The following NFIB variants were observed in gnomAD, a reference collection of about 807,000 sequenced individuals.
The protein encoded by NFIB is nuclear factor 1 B-type.
NFIB carries 11 observed loss-of-function variants against 61.5 expected under a neutral mutation model. The observed-to-expected ratio is 0.18, with a 90% CI of 0.11 to 0.30. NFIB has a LOEUF of 0.30. Ranked by LOEUF, NFIB falls within the 10% of genes least tolerant of loss-of-function variation. NFIB has a pLI of 1.00. For synonymous variants in NFIB, 260 were observed against 216.5 expected (o/e 1.20, Z -1.76); for missense variants, 471 against 608.9 (o/e 0.77, Z 2.38).
At chr9:14,150,769 G>T (rs1411975726) in intron 4 of NFIB, among the ~76,000 whole-genome samples, 1 of 151,936 alleles carries the variant, frequency 6.6e-6, no homozygotes, top group Non-Finnish European at 1.5e-5. Context: ...TTAATATCAT[G>T]ACTTCTAATC....
chr9:14,206,827 G>T (rs1014583436), intron 2 of NFIB, among the ~76,000 whole-genome samples: 3 of 151,284 alleles, frequency 2.0e-5, no homozygotes, highest in Non-Finnish European at 4.4e-5. Flanking sequence ...ACAAGTTTTT[G>T]GAGATCATGC....
At chr9:14,089,243 T>G (rs574460) in intron 10 of NFIB, among the ~76,000 whole-genome samples, 80,021 of 151,628 alleles carry the variant, frequency 0.53, 24,086 homozygotes, top group African/African-American at 0.81. Context: ...TGCTCTGCAC[T>G]TGAGGAGTTT....
chr9:14,521,117 G>C, the NFIB span, among the ~76,000 whole-genome samples: 4 of 152,256 alleles, frequency 2.6e-5, no homozygotes, highest in Middle Eastern at 3.4e-3. Context: ...CAGGAAGAGT[G>C]GCTTTAGTGA....
intron 2 of NFIB, among the ~76,000 whole-genome samples, chr9:14,271,682 T>C (rs1008903973): frequency 6.6e-6 from 1 of 152,124 alleles, no homozygotes; most frequent in Non-Finnish European, 1.5e-5. Context: ...ATAACCACAC[T>C]GCTGTTACAT....
At chr9:14,391,883 C>T (rs190808800) in intron 1 of NFIB, among the ~76,000 whole-genome samples, 5 of 152,164 alleles carry the variant, frequency 3.3e-5, no homozygotes, top group Non-Finnish European at 7.3e-5. Flanking sequence ...TAAACGTTTA[C>T]TCACTTCTGC....
At chr9:14,185,057 T>A (rs2047193884) in intron 2 of NFIB, among the ~76,000 whole-genome samples, 1 of 143,330 alleles carries the variant, frequency 7.0e-6, no homozygotes, top group African/African-American at 2.6e-5. Context: ...ATATTTAATT[T>A]ACAATAATGA....
intron 2 of NFIB, among the ~76,000 whole-genome samples, chr9:14,195,688 T>C (rs1180201365): frequency 6.6e-6 from 1 of 152,186 alleles, no homozygotes. Flanking sequence ...CTCCTCACAT[T>C]AGACTCCCAT....
Position 14,081,902 on chromosome 9 carries a change from C to T in NFIB, c.*6407G>A, listed in dbSNP as rs773280789. 5.2e-6 allele frequency: 1 copy of T among 193,352 alleles called. No homozygotes were observed. Among genetic ancestry groups the T allele is most frequent in the Non-Finnish European group, 1.1e-5 (1 of 92,400 alleles). 12.0% of individuals were successfully genotyped at this position (193,352 alleles called of 1,614,324 possible). On this transcript the variant is annotated 3_prime_UTR_variant, in exon 11 of 11. Coordinates refer to ENST00000380953, the MANE Select transcript of NFIB (RefSeq NM_001190737.2). ...ACAGTTTTTGCATAGGAAATATATC[C>T]GCTTCCAGTAATTGACTGCAGTATG... is the stretch of plus-strand genomic sequence containing the variant.
intron 2 of NFIB, among the ~76,000 whole-genome samples, chr9:14,283,087 TTAAA>T (rs1392054773): frequency 2.0e-5 from 3 of 152,308 alleles, no homozygotes; most frequent in Admixed American, 6.5e-5. Context: ...GGTTAAAGGA[TTAAA>T]TAAATAACCA....
intron 2 of NFIB, among the ~76,000 whole-genome samples, chr9:14,268,074 G>A (rs1404188541): frequency 6.6e-6 from 1 of 150,392 alleles, no homozygotes; most frequent in African/African-American, 2.5e-5. Flanking sequence ...GGTGGAGGTT[G>A]CAGTGAGCCA....
intron 2 of NFIB, among the ~76,000 whole-genome samples, chr9:14,275,923 A>G (rs190927532): frequency 6.6e-6 from 1 of 152,172 alleles, no homozygotes; most frequent in East Asian, 1.9e-4. Flanking sequence ...AGTATACCAA[A>G]AACTCTGAAA....
intron 1 of NFIB, among the ~76,000 whole-genome samples, chr9:14,335,099 T>C (rs1196104740): frequency 6.6e-6 from 1 of 152,240 alleles, no homozygotes; most frequent in Non-Finnish European, 1.5e-5. Flanking sequence ...ATTAGGTTTT[T>C]TCCAATTTTT....
intron 6 of NFIB, among the ~76,000 whole-genome samples, chr9:14,137,428 CT>C (rs2041188114): frequency 6.6e-6 from 1 of 152,178 alleles, no homozygotes; most frequent in African/African-American, 2.4e-5. Context: ...AAACAGAAAA[CT>C]TTCTGAATTT....
rs779900176 is a variant in NFIB, at chr9:14,146,772, A to G, written c.842T>C (p.Met281Thr). 3.2e-5 allele frequency: 51 copies of G among 1,604,942 alleles called. No homozygotes were observed. Among genetic ancestry groups the G allele is most frequent in the Non-Finnish European group, 4.3e-5 (51 of 1,177,784 alleles). The change falls in exon 6 of 11, where the codon ATG becomes ACG. Residue 281 changes from methionine to threonine, a missense_variant. Physicochemically the swap from Met to Thr is moderately conservative, Grantham distance 81. Around this residue, in one of 2 missense-constraint regions of NFIB, gnomAD observed 372 missense variants for 395.6 expected, o/e 0.94. Transcript: ENST00000380953. Reference protein sequence around the residue: ...RPKTISIDENMEPSPTGDFYP... With the variant: ...RPKTISIDENTEPSPTGDFYP... ...AAAGTCTCCTGTAGGACTTGGTTCC[A>G]TATTTTCATCTATGGATATAGTTTT...
intron 2 of NFIB, among the ~76,000 whole-genome samples, chr9:14,261,341 C>G (rs998886020): frequency 6.6e-6 from 1 of 152,082 alleles, no homozygotes; most frequent in African/African-American, 2.4e-5. Flanking sequence ...AAAAGGCAAA[C>G]TTGATGAAAA....
intron 1 of NFIB, among the ~76,000 whole-genome samples, chr9:14,332,596 C>T (rs1267391264): frequency 6.6e-6 from 1 of 152,130 alleles, no homozygotes; most frequent in Non-Finnish European, 1.5e-5. Context: ...GGAGCAGTGT[C>T]CAAAAGGTGC....
intron 2 of NFIB, among the ~76,000 whole-genome samples, chr9:14,211,523 T>G (rs1244163390): frequency 2.6e-5 from 4 of 152,212 alleles, no homozygotes; most frequent in Admixed American, 2.0e-4. Context: ...CCACTCCCAT[T>G]GTCTACCTTA....
chr9:14,337,485 T>A (rs553048501), intron 1 of NFIB, among the ~76,000 whole-genome samples: 6 of 152,362 alleles, frequency 3.9e-5, no homozygotes, highest in Admixed American at 1.3e-4. Context: ...GGTGCGGACC[T>A]GGCAATGTTA....
chr9:14,132,609 G>GT (rs1442986159), intron 6 of NFIB, among the ~76,000 whole-genome samples: 1 of 151,710 alleles, frequency 6.6e-6, no homozygotes, highest in Admixed American at 6.6e-5. Flanking sequence ...GTCTCACTCT[G>GT]TTGCCCAGGC....
Sources: allele counts gnomAD v4.1 joint callset (sites outside exome capture counted in the v4.1 genomes callset), GRCh38; gene constraint gnomAD v4.1.1; regional missense constraint gnomAD v4.1.1; transcripts MANE v1.5; gene names NCBI Gene and HGNC (gene_info 2026-07-23, HGNC 2026-07-21).